Variants in PLOD1 observed in about 807,000 individuals in gnomAD.
PLOD1 encodes lysine hydroxylase.
A neutral mutation model predicts 94.7 loss-of-function variants in PLOD1; 70 were observed. The ratio of observed to expected loss-of-function variants is 0.74; its 90% CI spans 0.61 to 0.90. The LOEUF (loss-of-function observed/expected upper bound fraction) is 0.90, where lower values mean the gene tolerates loss of function less well. Among genes scored for constraint, PLOD1 ranks in the 40% least tolerant of loss-of-function variants. The pLI is 0.00. For missense variants in PLOD1, 905 were observed against 972.7 expected (o/e 0.93, Z 0.93); for synonymous variants, 417 against 400.2 (o/e 1.04, Z -0.50).
chr1:11,973,937 A>G (rs1645884311), intron 18 of PLOD1, among the ~76,000 whole-genome samples: 1 of 152,190 alleles, frequency 6.6e-6, no homozygotes, highest in Non-Finnish European at 1.5e-5. Context: ...ATGAGGGGCT[A>G]CTGGCATCTA....
At chr1:11,967,905 A>C (rs2100762058) in intron 16 of PLOD1, among the ~76,000 whole-genome samples, 1 of 150,242 alleles carries the variant, frequency 6.7e-6, no homozygotes, top group South Asian at 2.1e-4. Context: ...GTGTGCCACC[A>C]CGCCCAGCTA....
intron 10 of PLOD1, among the ~76,000 whole-genome samples, chr1:11,962,086 G>A (rs1333072031): frequency 6.6e-6 from 1 of 151,976 alleles, no homozygotes; most frequent in African/African-American, 2.4e-5. Context: ...ACTGCGCCTG[G>A]TTAATTTATT....
chr1:11,958,383 C>A lies in PLOD1; in HGVS notation c.844-133C>A. The A allele has an allele frequency of 9.5e-7, 1 of 1,053,560 alleles. No homozygotes were observed. Among genetic ancestry groups the A allele is most frequent in the Non-Finnish European group, 1.4e-6 (1 of 707,684 alleles). The allele number at this position is 1,053,560 out of a possible 1,614,324, so 65.3% of individuals were successfully genotyped here. On this transcript the variant is annotated intron_variant, in intron 8 of 18. Transcript: ENST00000196061. This position sits in a 1 kb window ranked among gnomAD's most constrained non-coding sequence, Gnocchi z 4.3. ...CCCGTACCCCCTGACTGGAGTTCCCCGGCCCGGGCACCTTTCTTGGGAAGT... is the reference window on the plus strand; with the variant it reads ...CCCGTACCCCCTGACTGGAGTTCCCAGGCCCGGGCACCTTTCTTGGGAAGT...
intron 16 of PLOD1, 98 bp downstream of exon 16, chr1:11,967,189 C>A: frequency 1.3e-6 from 1 of 778,708 alleles, no homozygotes; most frequent in Admixed American, 1.9e-5. Context: ...CCTGGCCACC[C>A]TTTCTGGGAC....
chr1:11,943,286 C>CT (rs972022344), intron 1 of PLOD1, among the ~76,000 whole-genome samples: 4 of 134,362 alleles, frequency 3.0e-5, no homozygotes, highest in Admixed American at 6.9e-5. Context: ...CCGTGCCCGG[C>CT]TTTTTTTTTC....
intron 4 of PLOD1, among the ~76,000 whole-genome samples, chr1:11,950,997 T>C (rs1433137454): frequency 6.6e-6 from 1 of 152,022 alleles, no homozygotes; most frequent in Non-Finnish European, 1.5e-5. Flanking sequence ...TATCGCCATG[T>C]TGGCCAGGTG....
rs548467812 is a variant in PLOD1, at chr1:11,942,317, T to A, written c.77-5659T>A. On this transcript the variant is annotated intron_variant, in intron 1 of 18. Transcript: ENST00000196061. Reference sequence around the variant, plus strand: ...CTCACGTAGCTGCTTAAGGCCAGAATGTACAGTGTGTCTTGGTCATGCCCA... The same window carrying A: ...CTCACGTAGCTGCTTAAGGCCAGAAAGTACAGTGTGTCTTGGTCATGCCCA... Among the ~76,000 whole-genome samples, 29 of 152,258 alleles carry A rather than the reference T, an allele frequency of 1.9e-4. No homozygotes were observed. The South Asian group carries it at 6.0e-3, about 32-fold the overall frequency.
At chr1:11,936,940 C>G (rs893536116) in intron 1 of PLOD1, among the ~76,000 whole-genome samples, 1 of 151,762 alleles carries the variant, frequency 6.6e-6, no homozygotes, top group Non-Finnish European at 1.5e-5. Context: ...CTCCGCCTCC[C>G]AGGTTCAAGC....
At chr1:11,964,327 T>TGGGGGGGGGTGGGGGGGGGG in intron 12 of PLOD1, 27 bp downstream of exon 12, 1 of 546,368 alleles carries the variant, frequency 1.8e-6, no homozygotes, top group Non-Finnish European at 3.2e-6. Context: ...TGGGGGTGGG[T>TGGGGGGGGGTGGGGGGGGGG]GGGGGACACC....
chr1:11,950,006 A>ACT, intron 3 of PLOD1, 100 bp downstream of exon 3: 14 of 1,258,306 alleles, frequency 1.1e-5, no homozygotes, highest in Non-Finnish European at 1.6e-5. Flanking sequence ...AAGGGGGACC[A>ACT]CTCTAGCTAA....
rs140513387 is a variant in PLOD1, at chr1:11,974,784, C to A, written c.2160C>A (p.Ile720=). The part of the protein sequence containing the change: ...GLPTTRGTRY[I]AVSFVDP ...CCACCACCAGGGGCACCCGCTACAT[C>A]GCAGTCTCCTTCGTCGATCCCTAAT... Residue 720 remains isoleucine (I), a synonymous_variant, in exon 19 of 19, where the codon ATC becomes ATA. Transcript: ENST00000196061. 1 of 1,614,160 alleles carries A rather than the reference C, an allele frequency of 6.2e-7. No individual in the cohort carries two copies. The highest frequency in any genetic ancestry group is 2.2e-5 in the East Asian group (1 of 44,888).
chr1:11,939,475 C>G (rs1645601569), intron 1 of PLOD1, among the ~76,000 whole-genome samples: 1 of 152,156 alleles, frequency 6.6e-6, no homozygotes, highest in Non-Finnish European at 1.5e-5. Flanking sequence ...ACGCCTTGGG[C>G]TGGGACTGCT....
chr1:11,964,269 GACT>G lies in PLOD1; in HGVS notation c.1300_1302del (p.Tyr434del). The G allele has an allele frequency of 7.1e-7, 1 of 1,403,696 alleles. No homozygotes were observed. The highest frequency in any genetic ancestry group is 9.5e-7 in the Non-Finnish European group (1 of 1,048,560). 87.0% of individuals were successfully genotyped at this position (1,403,696 alleles called of 1,614,324 possible). A position where few individuals can be genotyped will look rare whatever the true frequency, so the allele number is the denominator to read the frequency against. ...AGATGGCTACTATGCCCGTTCCGAG[GACT>G]ACGTGGACATTGTGCAGGGGCGGCG... On this transcript the variant is annotated inframe_deletion, in exon 12 of 19. Coordinates refer to ENST00000196061, the MANE Select transcript of PLOD1 (RefSeq NM_000302.4).
intron 1 of PLOD1, chr1:11,944,754 C>T (rs998787760): frequency 2.3e-4 from 227 of 987,748 alleles, no homozygotes; most frequent in Non-Finnish European, 2.9e-4. Flanking sequence ...CCTGCTGGGC[C>T]GCCTGGCGCC....
At position 11,964,263 on chromosome 1, in the gene PLOD1, TC is replaced by T. The variant is rs761014653; in HGVS notation, c.1293del (p.Glu432ArgfsTer25). On this transcript the variant is annotated frameshift_variant, in exon 12 of 19. Coordinates refer to ENST00000196061, the MANE Select transcript of PLOD1 (RefSeq NM_000302.4). LOFTEE classifies it high-confidence loss of function. ...CAGTGCAGATGGCTACTATGCCCGT[TC>T]CGAGGACTACGTGGACATTGTGCAG... ...ALSADGYYARSEDYVDIVQGR... is the reference protein window; with the variant it reads ...ALSADGYYARXEDYVDIVQGR... 7.0e-7 allele frequency: 1 copy of T among 1,424,842 alleles called. No individual in the cohort carries two copies. The highest frequency in any genetic ancestry group is 9.4e-7 in the Non-Finnish European group (1 of 1,064,484). 88.3% of individuals were successfully genotyped at this position (1,424,842 alleles called of 1,614,324 possible). A position where few individuals can be genotyped will look rare whatever the true frequency, so the allele number is the denominator to read the frequency against.
intron 4 of PLOD1, among the ~76,000 whole-genome samples, chr1:11,952,036 C>T (rs1214560038): frequency 6.6e-6 from 1 of 152,250 alleles, no homozygotes; most frequent in Non-Finnish European, 1.5e-5. Flanking sequence ...CTGCCATCTG[C>T]CCTCAACAGA....
Position 11,964,172 on chromosome 1 carries a change from C to T in PLOD1, c.1203-3C>T, listed in dbSNP as rs376288573. ...CTCCTACTGAGGTGCTCCCTTCCCT[C>T]AGGAACGTCATTGCCCCGCTGATGA... On this transcript the variant is annotated splice_region_variant and splice_polypyrimidine_tract_variant and intron_variant, in intron 11 of 18. Coordinates refer to ENST00000196061, the MANE Select transcript of PLOD1 (RefSeq NM_000302.4). 1.2e-4 allele frequency: 191 copies of T among 1,613,808 alleles called. No homozygotes were observed. Among genetic ancestry groups the T allele is most frequent in the Middle Eastern group, 1.6e-4 (1 of 6,084 alleles).
At chr1:11,970,927 G>A (rs1490718855) in intron 17 of PLOD1, 111 bp downstream of exon 17, 22 of 732,700 alleles carry the variant, frequency 3.0e-5, no homozygotes, top group East Asian at 4.3e-5. Flanking sequence ...GGGAGGGGCC[G>A]AGGTGGAGTG....
At chr1:11,941,236 GTTTTGTT>G (rs563969381) in intron 1 of PLOD1, among the ~76,000 whole-genome samples, 34 of 152,182 alleles carry the variant, frequency 2.2e-4, no homozygotes, top group African/African-American at 6.0e-4. Context: ...TTGTTTGTTT[GTTTTGTT>G]TTTTGTTTTT....
Sources: gnomAD v4.1 joint callset for allele counts (sites outside exome capture counted in the v4.1 genomes callset) on GRCh38, gnomAD v4.1.1 for gene constraint, Gnocchi (gnomAD v3.1) non-coding constraint, MANE v1.5 for transcripts, NCBI Gene and HGNC (gene_info 2026-07-23, HGNC 2026-07-21) for gene names.